The following TNKS variants were observed in gnomAD, a reference collection of about 807,000 sequenced individuals.
TNKS encodes the protein tankyrase, also known as poly [ADP-ribose] polymerase tankyrase-1.
A neutral mutation model predicts 135.8 loss-of-function variants in TNKS; 72 were observed. The ratio of observed to expected loss-of-function variants is 0.53; its 90% CI spans 0.44 to 0.64. TNKS has a LOEUF of 0.64. Ranked by LOEUF, TNKS falls within the 30% of genes least tolerant of loss-of-function variation. TNKS has a pLI of 0.00. For synonymous variants in TNKS, 849 were observed against 649.3 expected, an observed-to-expected ratio of 1.31 and a Z score of -4.68; for missense variants, 1,769 against 1,674.0, an observed-to-expected ratio of 1.06 and a Z score of -0.99.
intron 1 of TNKS, among the ~76,000 whole-genome samples, chr8:9,563,698 A>G (rs1797421524): frequency 1.3e-5 from 2 of 152,152 alleles, no homozygotes; most frequent in East Asian, 1.9e-4. Flanking sequence ...GGCACATGCT[A>G]TACGTTCATA....
intron 1 of TNKS, among the ~76,000 whole-genome samples, chr8:9,566,986 G>C (rs1797569648): frequency 6.6e-6 from 1 of 152,186 alleles, no homozygotes; most frequent in Admixed American, 6.5e-5. Flanking sequence ...AACCCAATCT[G>C]GTTGTCGTAA....
intron 3 of TNKS, among the ~76,000 whole-genome samples, chr8:9,619,968 T>G (rs997486197): frequency 5.3e-4 from 80 of 151,540 alleles, no homozygotes; most frequent in Admixed American, 4.6e-4. Context: ...TTTTTTTTTT[T>G]GCGACGGAGT....
At chr8:9,583,359 T>C (rs565896443) in intron 2 of TNKS, among the ~76,000 whole-genome samples, 2 of 152,278 alleles carry the variant, frequency 1.3e-5, no homozygotes, top group South Asian at 4.1e-4. Context: ...TATACTGTAA[T>C]GTTGAATTGA....
rs759598276 is a variant in TNKS at position 9,731,052 on chromosome 8, A to G, written c.2147+17A>G. ...AGACAAGGGGTACGTGTTAGAAGTT[A>G]GCTGTTTGGGAGTCATTCTCTTCAT... On this transcript the variant is annotated intron_variant, in intron 14 of 26. Transcript: ENST00000310430. The G allele has an allele frequency of 6.3e-7, 1 of 1,576,098 alleles. No individual in the cohort carries two copies. Among genetic ancestry groups the G allele is most frequent in the East Asian group, 2.3e-5 (1 of 43,754 alleles).
intron 2 of TNKS, among the ~76,000 whole-genome samples, chr8:9,601,214 G>C (rs1454480389): frequency 6.6e-6 from 1 of 152,196 alleles, no homozygotes; most frequent in Non-Finnish European, 1.5e-5. Context: ...TATTCCTGTT[G>C]TTAAGGTAGC....
Position 9,753,836 on chromosome 8 carries a change from A to AGCTTAC in TNKS, c.3153+1223_3153+1228dup, listed in dbSNP as rs1299772780. Among the ~76,000 whole-genome samples, 4 of 152,278 alleles carry AGCTTAC rather than the reference A, an allele frequency of 2.6e-5. No homozygotes were observed. The South Asian group carries it at 6.2e-4, about 24-fold the overall frequency. On this transcript the variant is annotated intron_variant, in intron 20 of 26. Coordinates refer to ENST00000310430, the MANE Select transcript of TNKS (RefSeq NM_003747.3). The stretch of plus-strand genomic sequence containing the variant: ...CCGTAGGTATAATTCCTTTGTTTTC[A>AGCTTAC]GCTTACGCTTACGCTTACCCTGTTT...
At chr8:9,717,102 T>TATATATATATATATTTA (rs60792807) in intron 11 of TNKS, among the ~76,000 whole-genome samples, 3 of 122,890 alleles carry the variant, frequency 2.4e-5, no homozygotes, top group African/African-American at 6.0e-5. Context: ...TATATATATA[T>TATATATATATATATTTA]TTTCAGGGAA....
At chr8:9,654,386 G>A (rs1483265435) in intron 3 of TNKS, among the ~76,000 whole-genome samples, 1 of 151,850 alleles carries the variant, frequency 6.6e-6, no homozygotes, top group Admixed American at 6.6e-5. Context: ...AAAAAAACAT[G>A]CTTTTACAAA....
intron 3 of TNKS, among the ~76,000 whole-genome samples, chr8:9,616,011 C>CATTT (rs2128765608): frequency 6.6e-6 from 1 of 152,274 alleles, no homozygotes; most frequent in South Asian, 2.1e-4. Context: ...CAAGCAAGGG[C>CATTT]ATTTATATTA....
At chr8:9,745,596 G>C (rs1451856977) in intron 17 of TNKS, among the ~76,000 whole-genome samples, 2 of 152,002 alleles carry the variant, frequency 1.3e-5, no homozygotes, top group Non-Finnish European at 1.5e-5. Context: ...GCAGAGATGG[G>C]GTTTCGCCAT....
intron 2 of TNKS, among the ~76,000 whole-genome samples, chr8:9,594,321 G>A (rs181559651): frequency 1.3e-5 from 2 of 152,144 alleles, no homozygotes; most frequent in Admixed American, 6.5e-5. Context: ...CTCACACCTT[G>A]TTTTTTGTCT....
Position 9,762,386 on chromosome 8 carries a change from C to CAAAG in TNKS, c.3274+752_3274+755dup, listed in dbSNP as rs1262114309. On this transcript the variant is annotated intron_variant, in intron 21 of 26. Transcript: ENST00000310430. Reference sequence around the variant, plus strand: ...TATTTTAGTTCATCCATGAAACTAACAAAGATAATGTGTTTTAAAGCAATT... The same window carrying CAAAG: ...TATTTTAGTTCATCCATGAAACTAACAAAGAAAGATAATGTGTTTTAAAGCAATT... Among the ~76,000 whole-genome samples, 7 of 152,288 alleles carry CAAAG rather than the reference C, an allele frequency of 4.6e-5. No individual in the cohort carries two copies. In the East Asian group the frequency reaches 1.4e-3, roughly 29 times the overall value.
At chr8:9,692,279 A>G (rs1158793853) in intron 5 of TNKS, among the ~76,000 whole-genome samples, 1 of 152,092 alleles carries the variant, frequency 6.6e-6, no homozygotes, top group Non-Finnish European at 1.5e-5. Context: ...CCCTCTTATA[A>G]GTGAGAACCT....
chr8:9,704,000 A>G (rs1158519239), intron 5 of TNKS, among the ~76,000 whole-genome samples: 1 of 152,216 alleles, frequency 6.6e-6, no homozygotes, highest in Admixed American at 6.5e-5. Context: ...CTGGGAAGAA[A>G]CTGTATTCCT....
chr8:9,763,541 AC>A (rs1378328751), intron 22 of TNKS, among the ~76,000 whole-genome samples: 1 of 152,218 alleles, frequency 6.6e-6, no homozygotes, highest in African/African-American at 2.4e-5. Context: ...TTATATTGTT[AC>A]AGTGCCACCT....
At chr8:9,596,297 G>C (rs577866366) in intron 2 of TNKS, among the ~76,000 whole-genome samples, 44 of 152,168 alleles carry the variant, frequency 2.9e-4, no homozygotes, top group African/African-American at 1.0e-3. Flanking sequence ...TAGAAGTATG[G>C]CTTCCCTTTG....
intron 17 of TNKS, 119 bp from the exon 18 acceptor site, chr8:9,747,883 CTTTTTTTTAGAAGAAACTTCTG>C: frequency 1.2e-6 from 1 of 829,620 alleles, no homozygotes; most frequent in South Asian, 2.1e-5. Context: ...CTGAAATACT[CTTTTTTTTAGAAGAAACTTCTG>C]TTAAGGATGA....
At chr8:9,769,185 A>ATG (rs1807647347) in intron 25 of TNKS, among the ~76,000 whole-genome samples, 2 of 152,196 alleles carry the variant, frequency 1.3e-5, no homozygotes, top group Non-Finnish European at 2.9e-5. Flanking sequence ...CACAGACTAT[A>ATG]TGTAAATGAA....
At chr8:9,654,337 C>T (rs1438964959) in intron 3 of TNKS, among the ~76,000 whole-genome samples, 1 of 151,782 alleles carries the variant, frequency 6.6e-6, no homozygotes, top group African/African-American at 2.4e-5. Flanking sequence ...TCTTAACCTA[C>T]TAGTACTGCT....
Sources: gnomAD v4.1 joint callset for allele counts (sites outside exome capture counted in the v4.1 genomes callset) on GRCh38, gnomAD v4.1.1 for gene constraint, MANE v1.5 for transcripts, NCBI Gene and HGNC (gene_info 2026-07-23, HGNC 2026-07-21) for gene names.